ITPKB: variants seen among roughly 807,000 people sequenced by gnomAD.
ITPKB encodes the protein inositol-trisphosphate 3-kinase B, also known as IP3 3-kinase B.
Under a neutral mutation model 69.4 loss-of-function variants are expected in ITPKB, and 13 were observed. The observed-to-expected ratio is 0.19, with a 90% confidence interval of 0.12 to 0.30. The LOEUF is 0.30. ITPKB is among the 10% of genes least tolerant of loss of function. The probability of loss-of-function intolerance (pLI) is 1.00; values close to 1 mark genes in which losing one functional copy is unlikely to be tolerated. For missense variants in ITPKB, 1,240 were observed against 1,250.5 expected (o/e 0.99, Z 0.13); for synonymous variants, 584 against 513.7 (o/e 1.14, Z -1.85).
chr1:226,663,800 C>T (rs910359409), intron 2 of ITPKB, among the ~76,000 whole-genome samples: 10 of 152,204 alleles, frequency 6.6e-5, no homozygotes, highest in African/African-American at 2.4e-4. Flanking sequence ...TCTCAAAGTG[C>T]TGGGATTACA....
chr1:226,639,287 A>G (rs982583675), intron 6 of ITPKB, among the ~76,000 whole-genome samples: 5 of 152,028 alleles, frequency 3.3e-5, no homozygotes, highest in African/African-American at 1.2e-4. Flanking sequence ...CAAACTTCTG[A>G]CCTCAGGTGA....
In ITPKB at chr1:226,736,170, G is replaced by C; in HGVS notation, c.1289C>G (p.Ala430Gly). Reference sequence around the variant, plus strand: ...CTGCCAACGCCCCCCGCCCACGGGGGCCCCACTTCGGGCCTCCTCAGGGCC... The same window carrying C: ...CTGCCAACGCCCCCCGCCCACGGGGCCCCCACTTCGGGCCTCCTCAGGGCC... ...SVGPEEARSGAPVGGGRWQLS... is the reference protein window; with the variant it reads ...SVGPEEARSGGPVGGGRWQLS... Residue 430 changes from alanine (A) to glycine (G), a missense_variant, in exon 2 of 8, where the codon GCC becomes GGC. Around this residue, in one of 2 missense-constraint regions of ITPKB, gnomAD observed 992 missense variants for 853.8 expected, o/e 1.16. Coordinates refer to ENST00000429204, the MANE Select transcript of ITPKB (RefSeq NM_002221.4). 6.4e-7 allele frequency: 1 copy of C among 1,551,202 alleles called. No individual in the cohort carries two copies. Among genetic ancestry groups the C allele is most frequent in the East Asian group, 2.3e-5 (1 of 44,388 alleles).
At chr1:226,662,474 A>C (rs1255602150) in intron 2 of ITPKB, among the ~76,000 whole-genome samples, 1 of 152,256 alleles carries the variant, frequency 6.6e-6, no homozygotes, top group African/African-American at 2.4e-5. Flanking sequence ...TTAAAACCTT[A>C]GGATACTACT....
At chr1:226,699,760 AAGAC>A (rs1313086487) in intron 2 of ITPKB, among the ~76,000 whole-genome samples, 2 of 152,238 alleles carry the variant, frequency 1.3e-5, no homozygotes, top group African/African-American at 2.4e-5. Flanking sequence ...AAAAGAAAGA[AAGAC>A]AGACAAACAC....
At chr1:226,721,916 C>A (rs1224771047) in intron 2 of ITPKB, among the ~76,000 whole-genome samples, 2 of 151,614 alleles carry the variant, frequency 1.3e-5, no homozygotes. Context: ...CGGGTTCAAG[C>A]GATTCTCCTG....
chr1:226,725,148 G>A (rs1308629837), intron 2 of ITPKB, among the ~76,000 whole-genome samples: 2 of 152,196 alleles, frequency 1.3e-5, no homozygotes, highest in Non-Finnish European at 2.9e-5. Context: ...CTCAATGGCC[G>A]TACAACTTGT....
chr1:226,640,706 G>A (rs1487741952), intron 5 of ITPKB, among the ~76,000 whole-genome samples: 1 of 152,022 alleles, frequency 6.6e-6, no homozygotes, highest in Admixed American at 6.5e-5. Flanking sequence ...AGGAGAAGGC[G>A]GATGGGTACG....
chr1:226,718,362 A>C (rs1008558855), intron 2 of ITPKB, among the ~76,000 whole-genome samples: 6 of 151,824 alleles, frequency 4.0e-5, no homozygotes, highest in African/African-American at 1.5e-4. Flanking sequence ...CACTCCCATA[A>C]TCTCAGCACT....
chr1:226,647,418 G>A (rs756643258), intron 3 of ITPKB, 38 bp from the exon 4 acceptor site: 4 of 1,516,128 alleles, frequency 2.6e-6, no homozygotes, highest in African/African-American at 1.4e-5. Flanking sequence ...GTCTCCGGCT[G>A]CAGGTAGCTG....
intron 2 of ITPKB, among the ~76,000 whole-genome samples, chr1:226,733,365 T>A (rs1346347827): frequency 6.6e-6 from 1 of 152,210 alleles, no homozygotes; most frequent in Non-Finnish European, 1.5e-5. Context: ...TCCATCAAGA[T>A]GTCTGGCCTT....
At chr1:226,666,756 C>T (rs1020510132) in intron 2 of ITPKB, among the ~76,000 whole-genome samples, 19 of 152,220 alleles carry the variant, frequency 1.2e-4, no homozygotes, top group Non-Finnish European at 2.4e-4. Flanking sequence ...ACTCATCAGC[C>T]TTGCAGATCT....
Position 226,738,180 on chromosome 1 carries a change from G to A in ITPKB, c.-205-517C>T, listed in dbSNP as rs1364000940. On this transcript the variant is annotated intron_variant, in intron 1 of 7. Coordinates refer to ENST00000429204, the MANE Select transcript of ITPKB (RefSeq NM_002221.4). The surrounding 1 kb of genome is among the most constrained non-coding windows in gnomAD (Gnocchi z 4.2). ...CGACCGGCTCGGAGGGAACCTAAGC[G>A]GGACCTGCCTTGCCCGAGCCGCTGC... Among the ~76,000 whole-genome samples, 1 of 152,126 alleles carries A rather than the reference G, an allele frequency of 6.6e-6. No individual in the cohort carries two copies. Among genetic ancestry groups the A allele is most frequent in the Non-Finnish European group, 1.5e-5 (1 of 67,986 alleles).
intron 4 of ITPKB, 130 bp downstream of exon 4, chr1:226,647,037 T>G (rs1158193127): frequency 1.4e-6 from 1 of 725,608 alleles, no homozygotes; most frequent in Non-Finnish European, 2.4e-6. Context: ...GAGGCTCTAA[T>G]TGGTCCAACA....
chr1:226,708,847 G>A (rs1400451114), intron 2 of ITPKB, among the ~76,000 whole-genome samples: 3 of 152,252 alleles, frequency 2.0e-5, no homozygotes, highest in African/African-American at 7.2e-5. Context: ...ATCTTAACTC[G>A]TGAGGCAGCA....
intron 2 of ITPKB, among the ~76,000 whole-genome samples, chr1:226,658,818 C>T (rs3820638): frequency 0.14 from 21,180 of 152,042 alleles, 1,967 homozygotes; most frequent in East Asian, 0.39. Context: ...TCAGAAGCAA[C>T]TGCTGGGCCT....
intron 2 of ITPKB, among the ~76,000 whole-genome samples, chr1:226,700,454 C>A (rs1656608151): frequency 9.9e-6 from 1 of 101,342 alleles, no homozygotes; most frequent in South Asian, 3.5e-4. Flanking sequence ...GGCAACGGAG[C>A]AAGACTCCGT....
At chr1:226,643,808 T>C (rs994020312) in intron 4 of ITPKB, among the ~76,000 whole-genome samples, 2 of 150,378 alleles carry the variant, frequency 1.3e-5, no homozygotes, top group East Asian at 2.0e-4. Flanking sequence ...TGTGCGCACA[T>C]ACACACACAT....
At position 226,637,001 on chromosome 1, in the gene ITPKB, G is replaced by A. The variant is rs1282061942; in HGVS notation, c.2625+678C>T. On this transcript the variant is annotated intron_variant, in intron 7 of 7. Coordinates refer to ENST00000429204, the MANE Select transcript of ITPKB (RefSeq NM_002221.4). The surrounding 1 kb of genome is among the most constrained non-coding windows in gnomAD (Gnocchi z 4.3). ...TGCATGTAGGGTTTGAGTGTGATCT[G>A]TGAAGGTGTGTGCATGTAGGGTTTA... Among the ~76,000 whole-genome samples the A allele has an allele frequency of 6.6e-6, 1 of 152,052 alleles. No homozygotes were observed. The highest frequency in any genetic ancestry group is 2.4e-5 in the African/African-American group (1 of 41,378).
At chr1:226,687,429 C>T (rs1656242290) in intron 2 of ITPKB, among the ~76,000 whole-genome samples, 1 of 152,168 alleles carries the variant, frequency 6.6e-6, no homozygotes, top group South Asian at 2.1e-4. Flanking sequence ...GCCATCTGCC[C>T]TCCCACATCA....
Sources: allele counts gnomAD v4.1 joint callset (sites outside exome capture counted in the v4.1 genomes callset), GRCh38; gene constraint gnomAD v4.1.1; regional missense constraint gnomAD v4.1.1; non-coding constraint Gnocchi (gnomAD v3.1); transcripts MANE v1.5; gene names NCBI Gene and HGNC (gene_info 2026-07-23, HGNC 2026-07-21).